Variants in PCDHGA6 observed in about 807,000 individuals in gnomAD.
PCDHGA6 encodes the protein protocadherin gamma-A6.
In PCDHGA6, 41 loss-of-function variants were observed where a neutral mutation model predicts 60.6. That is an observed-to-expected ratio of 0.68 (90% CI 0.53 to 0.88). The LOEUF is 0.88. Ranked by LOEUF, PCDHGA6 falls within the 40% of genes least tolerant of loss-of-function variation. The probability of loss-of-function intolerance (pLI) is 0.00; values close to 1 mark genes in which losing one functional copy is unlikely to be tolerated. For missense variants in PCDHGA6, 1,312 were observed against 1,203.0 expected (o/e 1.09, Z -1.34); for synonymous variants, 594 against 524.4 (o/e 1.13, Z -1.81).
intron 2 of PCDHGA6, among the ~76,000 whole-genome samples, chr5:141,497,905 C>T (rs1052659134): frequency 6.6e-6 from 1 of 152,178 alleles, no homozygotes; most frequent in Non-Finnish European, 1.5e-5. Context: ...GTAACTTCAA[C>T]TTCTCTCCTT....
intron 1 of PCDHGA6, among the ~76,000 whole-genome samples, chr5:141,464,525 A>G (rs919668801): frequency 3.3e-5 from 5 of 152,064 alleles, no homozygotes; most frequent in Non-Finnish European, 5.9e-5. Context: ...AGGCATATGT[A>G]GTTTTGTTAA....
intron 1 of PCDHGA6, chr5:141,389,736 G>A: frequency 6.2e-7 from 1 of 1,612,710 alleles, no homozygotes; most frequent in Non-Finnish European, 8.5e-7. Flanking sequence ...CTTCAGCCTG[G>A]GGCTGCGCAC....
intron 1 of PCDHGA6, among the ~76,000 whole-genome samples, chr5:141,443,592 G>A (rs2098395439): frequency 6.6e-6 from 1 of 152,076 alleles, no homozygotes; most frequent in Admixed American, 6.6e-5. Context: ...AACAGAATGT[G>A]GTATATGAAA....
intron 2 of PCDHGA6, 103 bp from the exon 3 acceptor site, chr5:141,505,290 G>A: frequency 3.2e-6 from 5 of 1,564,680 alleles, no homozygotes; most frequent in Non-Finnish European, 4.3e-6. Context: ...TTGGGCATGG[G>A]GTAGGGTTAG....
Position 141,375,443 on chromosome 5 carries a change from C to T in PCDHGA6, c.1360C>T (p.His454Tyr). ...CAACGACAACCCGCCCACCTTCCCC[C>T]ATTCATCCTACTCAGTCTATGTCCT... ...DTNDNPPTFPHSSYSVYVLEN... is the reference protein window; with the variant it reads ...DTNDNPPTFPYSSYSVYVLEN... The change falls in exon 1 of 4, where the codon CAT becomes TAT. Residue 454 changes from histidine (H) to tyrosine (Y), a missense_variant. By Grantham distance (83) the His-to-Tyr change is moderately conservative. Transcript: ENST00000517434. 2 of 1,614,022 alleles carry T rather than the reference C, an allele frequency of 1.2e-6. No individual in the cohort carries two copies. Among genetic ancestry groups the T allele is most frequent in the African/African-American group, 1.3e-5 (1 of 75,048 alleles).
intron 1 of PCDHGA6, chr5:141,413,736 G>C: frequency 6.2e-7 from 1 of 1,613,452 alleles, no homozygotes; most frequent in South Asian, 1.1e-5. Context: ...TAAGAGTTCA[G>C]AGCCGTGCCA....
intron 2 of PCDHGA6, 37 bp downstream of exon 2, chr5:141,494,902 C>T (rs2099757367): frequency 1.9e-6 from 3 of 1,614,024 alleles, no homozygotes; most frequent in Non-Finnish European, 2.5e-6. Flanking sequence ...CTCTTCTCTG[C>T]GGCATTTTCT....
intron 1 of PCDHGA6, among the ~76,000 whole-genome samples, chr5:141,467,789 G>A (rs1264350552): frequency 6.6e-6 from 1 of 152,066 alleles, no homozygotes; most frequent in Non-Finnish European, 1.5e-5. Context: ...CTCTCAAGTA[G>A]CTGGGACTAC....
chr5:141,418,542 T>G, intron 1 of PCDHGA6: 1 of 1,614,028 alleles, frequency 6.2e-7, no homozygotes, highest in Non-Finnish European at 8.5e-7. Flanking sequence ...ACTGCTCAGA[T>G]AAGAATCCTG....
In PCDHGA6 at chr5:141,478,732, T is replaced by C. The variant is rs772167680; in HGVS notation, c.2425-16075T>C. 7.2e-6 allele frequency: 11 copies of C among 1,537,428 alleles called. No homozygotes were observed. In the South Asian group the frequency reaches 1.2e-4, roughly 17 times the overall value. On this transcript the variant is annotated intron_variant, in intron 1 of 3. Transcript: ENST00000517434. ...GAGATGGTGGCCTGCCAGAGTGTGG[T>C]TTGTGGTCCCATTTCAGGGGGAAGA...
chr5:141,415,113 C>T, intron 1 of PCDHGA6: 1 of 1,613,642 alleles, frequency 6.2e-7, no homozygotes, highest in Middle Eastern at 1.7e-4. Context: ...AGCAAAGCCT[C>T]GTAGTGGCCG....
chr5:141,473,763 G>A (rs1333191998), intron 1 of PCDHGA6, among the ~76,000 whole-genome samples: 1 of 152,204 alleles, frequency 6.6e-6, no homozygotes, highest in African/African-American at 2.4e-5. Context: ...ACTATGCAAA[G>A]GATTTGGTAT....
chr5:141,393,477 C>T (rs1561642767), intron 1 of PCDHGA6: 1 of 1,614,040 alleles, frequency 6.2e-7, no homozygotes, highest in African/African-American at 1.3e-5. Context: ...CAAGCCGCCT[C>T]GCTCTAGCAC....
chr5:141,444,341 T>C (rs909401337), intron 1 of PCDHGA6, among the ~76,000 whole-genome samples: 2 of 151,892 alleles, frequency 1.3e-5, no homozygotes, highest in African/African-American at 4.8e-5. Context: ...CCAGCTAATT[T>C]TGTATTTTTA....
intron 1 of PCDHGA6, chr5:141,405,288 T>C: frequency 6.2e-7 from 1 of 1,614,110 alleles, no homozygotes; most frequent in African/African-American, 1.3e-5. Context: ...GCAGACACAC[T>C]CATCAGCCAG....
At chr5:141,433,693 C>T (rs772152724) in intron 1 of PCDHGA6, among the ~76,000 whole-genome samples, 2 of 151,986 alleles carry the variant, frequency 1.3e-5, no homozygotes, top group Admixed American at 6.6e-5. Flanking sequence ...CAAAATTAGC[C>T]GGGCGTGGTG....
At chr5:141,440,093 GA>G (rs2098151022) in intron 1 of PCDHGA6, 1 of 152,302 alleles carries the variant, frequency 6.6e-6, no homozygotes, top group Non-Finnish European at 1.5e-5. Context: ...TCTAAGTGGG[GA>G]AAGTGGAGAC....
At chr5:141,450,829 A>ATT (rs373424450) in intron 1 of PCDHGA6, among the ~76,000 whole-genome samples, 8,685 of 135,030 alleles carry the variant, frequency 0.064, 328 homozygotes, top group South Asian at 0.088. Context: ...TATTATTATT[A>ATT]TTTTTTTTTT....
intron 1 of PCDHGA6, among the ~76,000 whole-genome samples, chr5:141,482,794 G>A (rs374042779): frequency 6.2e-5 from 8 of 129,246 alleles, no homozygotes; most frequent in Non-Finnish European, 8.1e-5. Flanking sequence ...GTGTGTGGCC[G>A]GGTACGGTGG....
Sources: allele counts gnomAD v4.1 joint callset (sites outside exome capture counted in the v4.1 genomes callset), GRCh38; gene constraint gnomAD v4.1.1; transcripts MANE v1.5; gene names NCBI Gene and HGNC (gene_info 2026-07-23, HGNC 2026-07-21).